DCAF13: variants seen among roughly 807,000 people sequenced by gnomAD.
DCAF13 encodes DDB1- and CUL4-associated factor 13.
A neutral mutation model predicts 59.0 loss-of-function variants in DCAF13; 38 were observed. That is an observed-to-expected ratio of 0.64 (90% confidence interval 0.50 to 0.84). The LOEUF (loss-of-function observed/expected upper bound fraction) is 0.84. Ranked by LOEUF, DCAF13 falls within the 40% of genes least tolerant of loss-of-function variation. DCAF13 has a pLI of 0.00. For synonymous variants in DCAF13, 173 were observed against 175.0 expected (o/e 0.99, Z 0.09); for missense variants, 469 against 558.4 (o/e 0.84, Z 1.61).
chr8:103,442,654 C>T, intron 10 of DCAF13, 141 bp from the exon 11 acceptor site: 1 of 531,966 alleles, frequency 1.9e-6, no homozygotes, highest in East Asian at 3.2e-5. Flanking sequence ...GTACTAGCTT[C>T]CTTTTACCTA....
Position 103,420,074 on chromosome 8 carries a change from A to G in DCAF13, c.71-190A>G, listed in dbSNP as rs185773140. 5.6e-4 allele frequency among the ~76,000 whole-genome samples: 85 copies of G among 151,848 alleles called. 1 individual carries two copies. The highest frequency in any genetic ancestry group is 8.3e-4 in the South Asian group (4 of 4,808). On this transcript the variant is annotated intron_variant, in intron 1 of 10. Coordinates refer to ENST00000612750, the MANE Select transcript of DCAF13 (RefSeq NM_015420.7). ...AGGGTCTAATTGTTTTGCAAGATGT[A>G]TGCATCCCATGATTTTCCAGTAATT...
chr8:103,432,692 T>A lies in DCAF13; in HGVS notation c.736T>A (p.Trp246Arg), dbSNP rs746228451. ...AGATATGAGAACAAATACAATCTGTTGGAACCCTATGGAAGCTTTCATTTT... is the reference window on the plus strand; with the variant it reads ...AGATATGAGAACAAATACAATCTGTAGGAACCCTATGGAAGCTTTCATTTT... ...ILDMRTNTICWNPMEAFIFTA... is the reference protein window; with the variant it reads ...ILDMRTNTICRNPMEAFIFTA... Residue 246 changes from tryptophan to arginine, a missense_variant, in exon 7 of 11, where the codon TGG becomes AGG. Trp to Arg is a moderately radical substitution (Grantham distance 101). Transcript: ENST00000612750. 2 of 1,606,108 alleles carry A rather than the reference T, an allele frequency of 1.2e-6. No homozygotes were observed. Among genetic ancestry groups the A allele is most frequent in the Admixed American group, 3.3e-5 (2 of 59,888 alleles).
intron 1 of DCAF13, among the ~76,000 whole-genome samples, chr8:103,418,161 A>G (rs1816652603): frequency 1.3e-5 from 2 of 152,020 alleles, no homozygotes. Context: ...ATCTGATAAT[A>G]GTGTAAATTG....
intron 5 of DCAF13, chr8:103,429,025 G>A (rs1014833265): frequency 6.6e-6 from 1 of 152,008 alleles, no homozygotes; most frequent in Admixed American, 6.6e-5. Flanking sequence ...CAAATGGAGT[G>A]TATTTGTATT....
Position 103,415,497 on chromosome 8 carries a change from C to T in DCAF13, c.51C>T (p.Thr17=). 6.2e-7 allele frequency: 1 copy of T among 1,611,802 alleles called. No homozygotes were observed. The highest frequency in any genetic ancestry group is 8.5e-7 in the Non-Finnish European group (1 of 1,178,384). The change falls in exon 1 of 11, where the codon ACC becomes ACT. Residue 17 remains threonine, a synonymous_variant. Transcript: ENST00000612750. ...ATCCGGACAATTATGTCCGCGAAAC[C>T]AAGTTGGACTTACAGAGAGGTAAGA... The part of the protein sequence containing the change: ...SRNPDNYVRE[T]KLDLQRVPRN...
At chr8:103,426,447 G>A (rs1299669028) in intron 4 of DCAF13, among the ~76,000 whole-genome samples, 1 of 151,584 alleles carries the variant, frequency 6.6e-6, no homozygotes, top group Non-Finnish European at 1.5e-5. Flanking sequence ...TAGAAGTTCA[G>A]AAAATGCTTC....
In DCAF13 at chr8:103,436,363, C is replaced by A. The variant is rs183746216; in HGVS notation, c.950+573C>A. Among the ~76,000 whole-genome samples the A allele has an allele frequency of 2.2e-3, 342 of 152,120 alleles. 5 individuals are homozygous for A. The highest frequency in any genetic ancestry group is 7.6e-3 in the African/African-American group (317 of 41,522). Reference sequence around the variant, plus strand: ...AAAAGTAAGTTTAAATTGTCAAGACCGTTCTCCCTCTATTTCACTTTAGTA... The same window carrying A: ...AAAAGTAAGTTTAAATTGTCAAGACAGTTCTCCCTCTATTTCACTTTAGTA... On this transcript the variant is annotated intron_variant, in intron 8 of 10. Coordinates refer to ENST00000612750, the MANE Select transcript of DCAF13 (RefSeq NM_015420.7).
chr8:103,425,859 T>A (rs972358661), intron 3 of DCAF13, among the ~76,000 whole-genome samples, 197 bp from the exon 4 acceptor site: 1 of 152,228 alleles, frequency 6.6e-6, no homozygotes, highest in Admixed American at 6.5e-5. Flanking sequence ...ATTATATTTT[T>A]AGTTTTATGT....
chr8:103,430,412 T>TA, intron 5 of DCAF13, 200 bp from the exon 6 acceptor site: 1 of 348,568 alleles, frequency 2.9e-6, no homozygotes, highest in East Asian at 4.8e-5. Flanking sequence ...AATAAATAAA[T>TA]AAAATACAAG....
intron 8 of DCAF13, among the ~76,000 whole-genome samples, chr8:103,439,216 C>A (rs1404056703): frequency 6.6e-6 from 1 of 151,792 alleles, no homozygotes; most frequent in African/African-American, 2.4e-5. Context: ...TGGTCTCGAT[C>A]TCCTGACCTC....
chr8:103,426,262 A>C (rs1816791727), intron 4 of DCAF13, 117 bp downstream of exon 4: 5 of 604,734 alleles, frequency 8.3e-6, no homozygotes, highest in Non-Finnish European at 1.4e-5. Context: ...GAAAGACTTT[A>C]GGCTGTAATT....
chr8:103,433,472 T>C (rs1816892919), intron 7 of DCAF13, among the ~76,000 whole-genome samples: 1 of 152,076 alleles, frequency 6.6e-6, no homozygotes, highest in South Asian at 2.1e-4. Flanking sequence ...GCTATGCCTT[T>C]GATAGATTCT....
intron 6 of DCAF13, among the ~76,000 whole-genome samples, chr8:103,432,252 C>T (rs369863697): frequency 6.6e-6 from 1 of 152,136 alleles, no homozygotes; most frequent in Non-Finnish European, 1.5e-5. Flanking sequence ...AACAGTGTTC[C>T]CATTGAGAAA....
At chr8:103,417,761 C>G (rs1232893741) in intron 1 of DCAF13, among the ~76,000 whole-genome samples, 1 of 151,790 alleles carries the variant, frequency 6.6e-6, no homozygotes, top group Non-Finnish European at 1.5e-5. Flanking sequence ...AGTTTGAAGA[C>G]TACTATATAG....
chr8:103,424,012 T>A (rs1053551568), intron 3 of DCAF13, among the ~76,000 whole-genome samples: 6 of 151,758 alleles, frequency 4.0e-5, no homozygotes, highest in African/African-American at 1.5e-4. Context: ...GTTTCTCGGT[T>A]TTTCAAAAAG....
chr8:103,435,863 C>T, intron 8 of DCAF13, 73 bp downstream of exon 8: 1 of 1,467,898 alleles, frequency 6.8e-7, no homozygotes, highest in South Asian at 1.1e-5. Flanking sequence ...AGAAATGAGT[C>T]ATTGGGCGAT....
chr8:103,422,748 C>G (rs931827534), intron 3 of DCAF13, among the ~76,000 whole-genome samples: 6 of 152,122 alleles, frequency 3.9e-5, no homozygotes, highest in Non-Finnish European at 8.8e-5. Context: ...ATAGATCTTC[C>G]TTATTCTTTA....
intron 8 of DCAF13, among the ~76,000 whole-genome samples, chr8:103,438,282 C>T (rs1425128930): frequency 6.6e-6 from 1 of 152,186 alleles, no homozygotes; most frequent in East Asian, 1.9e-4. Context: ...TCTATCTCAT[C>T]TAGTTTTCAT....
intron 1 of DCAF13, among the ~76,000 whole-genome samples, chr8:103,418,657 C>T (rs1816661615): frequency 4.0e-5 from 6 of 151,016 alleles, no homozygotes; most frequent in Admixed American, 4.0e-4. Flanking sequence ...AGATGGAATA[C>T]ATAAGAATGA....
Sources: allele counts gnomAD v4.1 joint callset (sites outside exome capture counted in the v4.1 genomes callset), GRCh38; gene constraint gnomAD v4.1.1; transcripts MANE v1.5; gene names NCBI Gene and HGNC (gene_info 2026-07-23, HGNC 2026-07-21).